The following KHDRBS1 variants were observed in gnomAD, a reference collection of about 807,000 sequenced individuals.
The protein encoded by KHDRBS1 is KH domain-containing, RNA-binding, signal transduction-associated protein 1.
A neutral mutation model predicts 48.4 loss-of-function variants in KHDRBS1; 7 were observed. That is an observed-to-expected ratio of 0.14 (90% CI 0.08 to 0.27). KHDRBS1 has a LOEUF of 0.27. KHDRBS1 is among the 10% of genes least tolerant of loss of function. KHDRBS1 has a pLI of 1.00. For missense variants in KHDRBS1, 458 were observed against 601.2 expected (o/e 0.76, Z 2.49); for synonymous variants, 241 against 235.8 (o/e 1.02, Z -0.20).
chr1:32,036,995 T>C lies in KHDRBS1; in HGVS notation c.857T>C (p.Val286Ala). 1 of 1,614,078 alleles carries C rather than the reference T, an allele frequency of 6.2e-7. No individual in the cohort carries two copies. The highest frequency in any genetic ancestry group is 8.5e-7 in the Non-Finnish European group (1 of 1,179,986). ...CCTGAACCCTCTCGTGGACGTGGGG[T>C]GCCAGTGAGAGGCCGGGGAGCTGCA... ...GVPEPSRGRG[V>A]PVRGRGAAPP... The change falls in exon 5 of 9, where the codon GTG becomes GCG. Residue 286 changes from valine (V) to alanine (A), a missense_variant. By Grantham distance (64) the Val-to-Ala change is moderately conservative. This residue lies in a region of KHDRBS1 where 171 missense variants were observed against 228.7 expected (regional missense o/e 0.75). Transcript: ENST00000327300.
chr1:32,035,725 C>T (rs1639165054), intron 4 of KHDRBS1, among the ~76,000 whole-genome samples: 1 of 152,202 alleles, frequency 6.6e-6, no homozygotes, highest in Non-Finnish European at 1.5e-5. Context: ...CCAAACATTT[C>T]TTAAGTATCT....
At chr1:32,037,713 T>C in intron 5 of KHDRBS1, 122 bp from the exon 6 acceptor site, 1 of 1,079,384 alleles carries the variant, frequency 9.3e-7, no homozygotes, top group Admixed American at 1.9e-5. Context: ...CCTCTGTGCT[T>C]TAATAATAGC....
chr1:32,049,779 A>G (rs1639395767), intron 10 of KHDRBS1, among the ~76,000 whole-genome samples: 1 of 151,610 alleles, frequency 6.6e-6, no homozygotes, highest in Non-Finnish European at 1.5e-5. Flanking sequence ...CTCCTGCCTC[A>G]GCCTCCCAAG....
chr1:32,044,858 C>CT (rs1440303794), downstream of KHDRBS1, among the ~76,000 whole-genome samples: 2 of 152,176 alleles, frequency 1.3e-5, no homozygotes, highest in South Asian at 4.1e-4. Context: ...ACATATTTCT[C>CT]TTTTACATAA....
chr1:32,041,408 G>A (rs1041686710), intron 8 of KHDRBS1, among the ~76,000 whole-genome samples: 2 of 151,920 alleles, frequency 1.3e-5, no homozygotes, highest in African/African-American at 4.8e-5. Flanking sequence ...GTAAGGTGTG[G>A]GAAGAATAAA....
chr1:32,014,507 T>C (rs1459671117), intron 1 of KHDRBS1, 130 bp downstream of exon 1: 2 of 983,620 alleles, frequency 2.0e-6, no homozygotes, highest in Non-Finnish European at 2.7e-6. Context: ...ATCCTCATTT[T>C]TGGGAGCCTG....
At chr1:32,039,638 TA>T in intron 8 of KHDRBS1, 65 bp downstream of exon 8, 1 of 867,806 alleles carries the variant, frequency 1.2e-6, no homozygotes, top group Non-Finnish European at 2.0e-6. Context: ...TGCTGGTGAC[TA>T]AAGTATTGAG....
chr1:32,017,093 A>T (rs570703260), intron 1 of KHDRBS1, among the ~76,000 whole-genome samples: 73 of 152,196 alleles, frequency 4.8e-4, no homozygotes, highest in Non-Finnish European at 8.2e-4. Flanking sequence ...CCCCGTCTCT[A>T]CCAAAAATAC....
chr1:32,059,261 G>A (rs940750416), intron 10 of KHDRBS1, among the ~76,000 whole-genome samples: 7 of 151,480 alleles, frequency 4.6e-5, no homozygotes, highest in Admixed American at 2.0e-4. Flanking sequence ...AGATGGTAGC[G>A]CCATTTAAAA....
At chr1:32,036,163 A>ATTTTTTTTTTTTTTTTTTTT (rs397742842) in intron 4 of KHDRBS1, among the ~76,000 whole-genome samples, 1 of 60,470 alleles carries the variant, frequency 1.7e-5, no homozygotes, top group African/African-American at 7.3e-5. Context: ...CATTTTGAAG[A>ATTTTTTTTTTTTTTTTTTTT]TTTTTTTTTT....
chr1:32,057,900 T>C, intron 10 of KHDRBS1, among the ~76,000 whole-genome samples: 1 of 149,834 alleles, frequency 6.7e-6, no homozygotes, highest in East Asian at 2.0e-4. Flanking sequence ...GCAGATCACC[T>C]GAGGTCAGGA....
At chr1:32,025,332 GCT>G (rs1385062800) in intron 1 of KHDRBS1, among the ~76,000 whole-genome samples, 1 of 115,192 alleles carries the variant, frequency 8.7e-6, no homozygotes, top group Non-Finnish European at 1.6e-5. Flanking sequence ...ACAGAGTCTC[GCT>G]CTGTCACCCA....
intron 1 of KHDRBS1, among the ~76,000 whole-genome samples, chr1:32,019,140 A>G (rs1638804987): frequency 6.6e-6 from 1 of 152,248 alleles, no homozygotes; most frequent in South Asian, 2.1e-4. Context: ...CACCTTTTCT[A>G]GGAATATGCT....
downstream of KHDRBS1, among the ~76,000 whole-genome samples, chr1:32,047,319 T>C (rs1639369429): frequency 6.6e-6 from 1 of 152,104 alleles, no homozygotes; most frequent in Non-Finnish European, 1.5e-5. Flanking sequence ...CCACCACGCC[T>C]GGATAATTTT....
At chr1:32,016,507 G>A (rs997735997) in intron 1 of KHDRBS1, among the ~76,000 whole-genome samples, 2 of 151,586 alleles carry the variant, frequency 1.3e-5, no homozygotes, top group South Asian at 4.2e-4. Context: ...GGGATGATAG[G>A]TGACCAAAAA....
rs1639197816 is a variant in KHDRBS1, at chr1:32,037,056, G to A, written c.905+13G>A. ...CACCTGTTCCCAGGTAAAAATAATG[G>A]AGACACCCAGAAATAGGATGTGAAT... On this transcript the variant is annotated intron_variant, in intron 5 of 8. Transcript: ENST00000327300. The A allele has an allele frequency of 1.2e-6, 2 of 1,612,070 alleles. No homozygotes were observed. Among genetic ancestry groups the A allele is most frequent in the Non-Finnish European group, 1.7e-6 (2 of 1,179,140 alleles).
chr1:32,056,598 G>C (rs529845178), intron 10 of KHDRBS1, among the ~76,000 whole-genome samples: 1 of 152,268 alleles, frequency 6.6e-6, no homozygotes, highest in South Asian at 2.1e-4. Context: ...ATTCCCAGGG[G>C]TCTTCTAACT....
At chr1:32,021,553 A>G (rs756929867) in intron 1 of KHDRBS1, among the ~76,000 whole-genome samples, 23 of 152,184 alleles carry the variant, frequency 1.5e-4, no homozygotes, top group Non-Finnish European at 2.4e-4. Flanking sequence ...GAGAATTATA[A>G]ATTTGGGGAT....
downstream of KHDRBS1, among the ~76,000 whole-genome samples, chr1:32,044,159 C>T (rs1639330101): frequency 6.6e-6 from 1 of 152,168 alleles, no homozygotes; most frequent in Non-Finnish European, 1.5e-5. Context: ...TTCAACTCAA[C>T]TGAGCTGAAA....
Sources: gnomAD v4.1 joint callset for allele counts (sites outside exome capture counted in the v4.1 genomes callset) on GRCh38, gnomAD v4.1.1 for gene constraint, gnomAD v4.1.1 regional missense constraint, MANE v1.5 for transcripts, NCBI Gene and HGNC (gene_info 2026-07-23, HGNC 2026-07-21) for gene names.